Variants in PARP11 observed in about 807,000 individuals in gnomAD.
The protein encoded by PARP11 is poly(ADP-ribose) polymerase family member 11.
In PARP11, 31 loss-of-function variants were observed where a neutral mutation model predicts 42.9. The observed-to-expected ratio is 0.72, with a 90% confidence interval of 0.54 to 0.98. The LOEUF is 0.98. Among genes scored for constraint, PARP11 ranks in the 50% least tolerant of loss-of-function variants. The probability of loss-of-function intolerance (pLI) is 0.00; values close to 1 mark genes in which losing one functional copy is unlikely to be tolerated. For missense variants in PARP11, 365 were observed against 413.1 expected (o/e 0.88, Z 1.01); for synonymous variants, 137 against 127.3 (o/e 1.08, Z -0.51).
At chr12:3,824,028 A>G (rs1258395727) in intron 4 of PARP11, among the ~76,000 whole-genome samples, 2 of 152,212 alleles carry the variant, frequency 1.3e-5, no homozygotes, top group Admixed American at 1.3e-4. Flanking sequence ...GTCAAAGAAT[A>G]TATTTTTTCA....
Position 3,822,380 on chromosome 12 carries a change from C to T in PARP11, c.345-223G>A, listed in dbSNP as rs540877105. On this transcript the variant is annotated intron_variant, in intron 4 of 7. Coordinates refer to ENST00000228820, the MANE Select transcript of PARP11 (RefSeq NM_020367.6). ...TTGGGAGGCCGAGGCGAGCGGATCACGAGGTCAGGAGATCGAGACCATCCT... is the reference window on the plus strand; with the variant it reads ...TTGGGAGGCCGAGGCGAGCGGATCATGAGGTCAGGAGATCGAGACCATCCT... Among the ~76,000 whole-genome samples, 14 of 150,542 alleles carry T rather than the reference C, an allele frequency of 9.3e-5. No homozygotes were observed. In the East Asian group the frequency reaches 2.4e-3, roughly 25 times the overall value.
intron 1 of PARP11, among the ~76,000 whole-genome samples, chr12:3,860,172 A>G (rs1358739059): frequency 6.6e-6 from 1 of 152,222 alleles, no homozygotes; most frequent in Non-Finnish European, 1.5e-5. Flanking sequence ...TCATTTGATA[A>G]GATTAGTATG....
intron 6 of PARP11, among the ~76,000 whole-genome samples, chr12:3,821,513 T>C (rs1947391165): frequency 6.6e-6 from 1 of 152,202 alleles, no homozygotes; most frequent in African/African-American, 2.4e-5. Flanking sequence ...ATTGGCAAGA[T>C]AGTATGATTT....
intron 1 of PARP11, among the ~76,000 whole-genome samples, chr12:3,853,976 G>T (rs984859908): frequency 2.0e-5 from 3 of 152,192 alleles, no homozygotes; most frequent in African/African-American, 7.2e-5. Context: ...TCAGGATTAA[G>T]AAACTCACTC....
intron 6 of PARP11, among the ~76,000 whole-genome samples, chr12:3,819,592 C>T (rs1282899070): frequency 1.3e-5 from 2 of 152,196 alleles, no homozygotes; most frequent in South Asian, 2.1e-4. Context: ...ATCCCTTCTC[C>T]ACCACACAGC....
At chr12:3,845,935 C>T (rs1285100891) in intron 1 of PARP11, among the ~76,000 whole-genome samples, 1 of 152,144 alleles carries the variant, frequency 6.6e-6, no homozygotes, top group African/African-American at 2.4e-5. Context: ...TTAAAAATTG[C>T]ATTGTGTTAC....
Position 3,842,000 on chromosome 12 carries a change from C to G in PARP11, c.19-11982G>C, listed in dbSNP as rs958518647. The G allele has an allele frequency of 8.1e-6, 13 of 1,610,836 alleles. No individual in the cohort carries two copies. The African/African-American group carries it at 1.7e-4, about 22-fold the overall frequency. The stretch of plus-strand genomic sequence containing the variant: ...GGCCGGACAGAGCAATCTTCCCAGA[C>G]ACGAAAGGCAGATATGGCATTGGCT... On this transcript the variant is annotated intron_variant, in intron 1 of 7. Transcript: ENST00000228820.
intron 1 of PARP11, among the ~76,000 whole-genome samples, chr12:3,851,665 T>A (rs1026962046): frequency 1.3e-5 from 2 of 152,140 alleles, no homozygotes; most frequent in Non-Finnish European, 2.9e-5. Flanking sequence ...CTCTGTAGAC[T>A]CCACCTCTGG....
intron 1 of PARP11, among the ~76,000 whole-genome samples, chr12:3,857,693 A>G (rs1948218190): frequency 6.6e-6 from 1 of 152,064 alleles, no homozygotes; most frequent in African/African-American, 2.4e-5. Flanking sequence ...TTTTCTGACT[A>G]GTTTCACAAA....
At chr12:3,867,640 G>A (rs902384366) in intron 1 of PARP11, among the ~76,000 whole-genome samples, 27 of 152,200 alleles carry the variant, frequency 1.8e-4, no homozygotes, top group Admixed American at 1.8e-3. Context: ...TCAATTGCTA[G>A]GATGTGATTC....
intron 1 of PARP11, among the ~76,000 whole-genome samples, chr12:3,838,018 AT>A (rs1481065217): frequency 6.6e-6 from 1 of 150,866 alleles, no homozygotes; most frequent in Non-Finnish European, 1.5e-5. Context: ...ACTTAAAAAA[AT>A]AATAAAAAGG....
intron 1 of PARP11, among the ~76,000 whole-genome samples, chr12:3,866,095 C>T (rs2138129220): frequency 6.6e-6 from 1 of 152,072 alleles, no homozygotes. Flanking sequence ...CTTTCCTACC[C>T]ATCATCACTT....
chr12:3,854,914 C>A (rs1165578756), intron 1 of PARP11, among the ~76,000 whole-genome samples: 2 of 152,180 alleles, frequency 1.3e-5, no homozygotes, highest in Non-Finnish European at 2.9e-5. Flanking sequence ...TCCAGTAGCA[C>A]ATCAAAAAGC....
In PARP11 at chr12:3,862,603, CTA is replaced by C. The variant is rs528161255; in HGVS notation, c.18+10607_18+10608del. Among the ~76,000 whole-genome samples, 62 of 148,262 alleles carry C rather than the reference CTA, an allele frequency of 4.2e-4. 1 individual carries two copies. Among genetic ancestry groups the C allele is most frequent in the South Asian group, 4.2e-4 (2 of 4,764 alleles). On this transcript the variant is annotated intron_variant, in intron 1 of 7. Coordinates refer to ENST00000228820, the MANE Select transcript of PARP11 (RefSeq NM_020367.6). Reference sequence around the variant, plus strand: ...ATATTTTATTAGTATATTTTATATACTATATATATAATTTTTATAGTATAGCA... The same window carrying C: ...ATATTTTATTAGTATATTTTATATACTATATATAATTTTTATAGTATAGCA...
intron 1 of PARP11, chr12:3,832,091 T>C: frequency 4.3e-6 from 4 of 924,924 alleles, no homozygotes; most frequent in Non-Finnish European, 5.2e-6. Context: ...ATAACATGTG[T>C]GCTCCGCTAT....
At position 3,860,213 on chromosome 12, in the gene PARP11, A is replaced by G. The variant is rs752882423; in HGVS notation, c.18+12999T>C. 1.2e-4 allele frequency among the ~76,000 whole-genome samples: 19 copies of G among 152,200 alleles called. 1 individual carries two copies. Among genetic ancestry groups the G allele is most frequent in the Non-Finnish European group, 2.1e-4 (14 of 68,036 alleles). On this transcript the variant is annotated intron_variant, in intron 1 of 7. Transcript: ENST00000228820. The stretch of plus-strand genomic sequence containing the variant: ...GGACCGCCCCAGCAGGACAACTGCC[A>G]ATTTGAAATGAAAAAATAGTAGATG...
intron 1 of PARP11, among the ~76,000 whole-genome samples, chr12:3,834,271 T>C (rs1947709515): frequency 6.6e-6 from 1 of 152,222 alleles, no homozygotes; most frequent in South Asian, 2.1e-4. Flanking sequence ...CAAAGAGCTC[T>C]ACATTTCCAT....
intron 4 of PARP11, among the ~76,000 whole-genome samples, chr12:3,822,789 A>C (rs966163676): frequency 6.6e-6 from 1 of 152,176 alleles, no homozygotes; most frequent in Non-Finnish European, 1.5e-5. Flanking sequence ...TAGGCAAAGA[A>C]ATTAAAAACA....
chr12:3,853,829 C>T (rs1479739684), intron 1 of PARP11, among the ~76,000 whole-genome samples: 11 of 152,162 alleles, frequency 7.2e-5, no homozygotes, highest in African/African-American at 2.7e-4. Context: ...CAACAGAATA[C>T]ACATTCTTCT....
Sources: gnomAD v4.1 joint callset for allele counts (sites outside exome capture counted in the v4.1 genomes callset) on GRCh38, gnomAD v4.1.1 for gene constraint, MANE v1.5 for transcripts, NCBI Gene and HGNC (gene_info 2026-07-23, HGNC 2026-07-21) for gene names.